POFUT1: variants seen among roughly 807,000 people sequenced by gnomAD.
The protein encoded by POFUT1 is GDP-fucose protein O-fucosyltransferase 1.
A neutral mutation model predicts 42.4 loss-of-function variants in POFUT1; 16 were observed. The ratio of observed to expected loss-of-function variants is 0.38; its 90% CI spans 0.26 to 0.57. The LOEUF (loss-of-function observed/expected upper bound fraction) is 0.57, where lower values mean the gene tolerates loss of function less well. Ranked by LOEUF, POFUT1 falls within the 20% of genes least tolerant of loss-of-function variation. The probability of loss-of-function intolerance (pLI) is 0.71; values close to 1 mark genes in which losing one functional copy is unlikely to be tolerated. For synonymous variants in POFUT1, 206 were observed against 205.4 expected (o/e 1.00, Z -0.03); for missense variants, 470 against 504.6 (o/e 0.93, Z 0.66).
chr20:32,235,613 G>T lies in POFUT1; in HGVS notation c.*952G>T. On this transcript the variant is annotated 3_prime_UTR_variant, in exon 7 of 7. Coordinates refer to ENST00000375749, the MANE Select transcript of POFUT1 (RefSeq NM_015352.2). ...CCAAGGCTCTGACCTCACAGAAGAT[G>T]CCCAGGGCCCAGAAGCCATCAGAAT... is the stretch of plus-strand genomic sequence containing the variant. The T allele has an allele frequency of 6.6e-6, 1 of 152,424 alleles. No homozygotes were observed. Among genetic ancestry groups the T allele is most frequent in the Non-Finnish European group, 1.5e-5 (1 of 68,104 alleles). The allele number at this position is 152,424 out of a possible 1,614,324, so 9.4% of individuals were successfully genotyped here.
chr20:32,215,200 G>A, intron 2 of POFUT1, 69 bp from the exon 3 acceptor site: 1 of 1,289,140 alleles, frequency 7.8e-7, no homozygotes, highest in Non-Finnish European at 1.1e-6. Context: ...GGAGTGTATT[G>A]TTTTAATAAA....
intron 4 of POFUT1, chr20:32,217,829 G>C: frequency 1.2e-6 from 1 of 815,200 alleles, no homozygotes; most frequent in Non-Finnish European, 1.5e-6. Flanking sequence ...ACTGAGCCCA[G>C]TGAAGTTAAA....
intron 2 of POFUT1, among the ~76,000 whole-genome samples, chr20:32,214,872 G>T (rs1182923025): frequency 1.3e-5 from 2 of 152,080 alleles, no homozygotes; most frequent in Non-Finnish European, 2.9e-5. Context: ...AGTCTGAACT[G>T]TCTTGGTCTT....
At chr20:32,224,902 T>C (rs900313492) in intron 4 of POFUT1, among the ~76,000 whole-genome samples, 2 of 152,196 alleles carry the variant, frequency 1.3e-5, no homozygotes, top group African/African-American at 4.8e-5. Context: ...CATGGCCAAG[T>C]CTCTGAAACA....
At chr20:32,230,609 T>G (rs1600394228) in intron 5 of POFUT1, among the ~76,000 whole-genome samples, 1 of 146,166 alleles carries the variant, frequency 6.8e-6, no homozygotes, top group African/African-American at 2.6e-5. Flanking sequence ...GCAGGAGAAT[T>G]GCTTGAACCC....
chr20:32,217,208 AG>A, intron 4 of POFUT1: 1 of 1,431,262 alleles, frequency 7.0e-7, no homozygotes. Flanking sequence ...AAACATTTAT[AG>A]GGCGCCTGTC....
At chr20:32,217,124 G>C in intron 4 of POFUT1, 1 of 1,591,860 alleles carries the variant, frequency 6.3e-7, no homozygotes, top group Non-Finnish European at 8.6e-7. Context: ...ATTATTGGAC[G>C]TGTTTATTAA....
chr20:32,210,286 A>C, intron 2 of POFUT1, 94 bp downstream of exon 2: 1 of 1,297,520 alleles, frequency 7.7e-7, no homozygotes. Flanking sequence ...TTTACCTCCC[A>C]CTCCTCTGAG....
At chr20:32,231,577 A>T (rs1413900472) in intron 6 of POFUT1, among the ~76,000 whole-genome samples, 9 of 152,162 alleles carry the variant, frequency 5.9e-5, no homozygotes, top group Non-Finnish European at 1.3e-4. Flanking sequence ...AGTATAGTGG[A>T]GGAGTTAATA....
rs114897507 is a variant in POFUT1 at position 32,228,565 on chromosome 20, G to A, written c.735+110G>A. 6.8e-4 allele frequency: 611 copies of A among 899,854 alleles called. 3 individuals carry two copies. In the African/African-American group the frequency reaches 9.4e-3, roughly 14 times the overall value. 55.7% of individuals were successfully genotyped at this position (899,854 alleles called of 1,614,324 possible). A position where few individuals can be genotyped will look rare whatever the true frequency, so the allele number is the denominator to read the frequency against. On this transcript the variant is annotated intron_variant, in intron 5 of 6. Transcript: ENST00000375749. ...CAGCCAGAGCAGAGATCTCTCACTT[G>A]TTCTGGTTCGTGGGATTGTGTCCCA...
At chr20:32,223,531 C>T (rs565044525) in intron 4 of POFUT1, 1 of 981,592 alleles carries the variant, frequency 1.0e-6, no homozygotes, top group African/African-American at 1.8e-5. Flanking sequence ...CTGGTTTTAT[C>T]CTGATATTCC....
chr20:32,213,576 G>A (rs1182768796), intron 2 of POFUT1, among the ~76,000 whole-genome samples: 1 of 151,978 alleles, frequency 6.6e-6, no homozygotes, highest in Non-Finnish European at 1.5e-5. Context: ...TTTGAGACCA[G>A]CCTGGCCAAA....
intron 5 of POFUT1, among the ~76,000 whole-genome samples, chr20:32,230,122 T>C (rs1406853442): frequency 1.3e-5 from 2 of 151,316 alleles, no homozygotes; most frequent in Non-Finnish European, 2.9e-5. Context: ...GCGTGGTGGC[T>C]CATGCCTGTA....
chr20:32,217,724 T>C (rs1337400849), intron 4 of POFUT1: 1 of 985,314 alleles, frequency 1.0e-6, no homozygotes, highest in African/African-American at 1.7e-5. Flanking sequence ...GTGTTGGCTG[T>C]CAGTGTTATT....
intron 4 of POFUT1, among the ~76,000 whole-genome samples, chr20:32,219,499 TAAC>T (rs2047379578): frequency 2.8e-5 from 4 of 142,150 alleles, no homozygotes; most frequent in Admixed American, 7.7e-5. Flanking sequence ...CGTAGTAGCA[TAAC>T]AACAAGTTTT....
chr20:32,212,613 G>T (rs554572183), intron 2 of POFUT1, among the ~76,000 whole-genome samples: 1 of 151,816 alleles, frequency 6.6e-6, no homozygotes, highest in Non-Finnish European at 1.5e-5. Context: ...GAAGAGTCTC[G>T]CTCTGTCACC....
At position 32,216,597 on chromosome 20, in the gene POFUT1, C is replaced by G; in HGVS notation, c.430-12C>G. 2 of 1,559,070 alleles carry G rather than the reference C, an allele frequency of 1.3e-6. No individual in the cohort carries two copies. The highest frequency in any genetic ancestry group is 1.1e-5 in the South Asian group (1 of 89,882). ...CCCCATCAGTAAGCCTTCCACCACT[C>G]TCTTTCTGCAGGAAGGAAACCCCTT... is the stretch of plus-strand genomic sequence containing the variant. On this transcript the variant is annotated splice_polypyrimidine_tract_variant and intron_variant, in intron 3 of 6. Transcript: ENST00000375749.
Position 32,236,758 on chromosome 20 carries a change from G to A in POFUT1, c.*2097G>A, listed in dbSNP as rs1350098370. On this transcript the variant is annotated 3_prime_UTR_variant, in exon 7 of 7. Coordinates refer to ENST00000375749, the MANE Select transcript of POFUT1 (RefSeq NM_015352.2). ...TTAATTTGACTGCTTCTCGTTGCTCGTCACCTCCATGCCAGGCACTGTGCT... is the reference window on the plus strand; with the variant it reads ...TTAATTTGACTGCTTCTCGTTGCTCATCACCTCCATGCCAGGCACTGTGCT... 2 of 152,170 alleles carry A rather than the reference G, an allele frequency of 1.3e-5. No individual in the cohort carries two copies. The highest frequency in any genetic ancestry group is 4.8e-5 in the African/African-American group (2 of 41,438). 9.4% of individuals were successfully genotyped at this position (152,170 alleles called of 1,614,324 possible). A position where few individuals can be genotyped will look rare whatever the true frequency, so the allele number is the denominator to read the frequency against.
rs577504620 is a variant in POFUT1, at chr20:32,218,536, C to G, written c.542+1815C>G. On this transcript the variant is annotated intron_variant, in intron 4 of 6. Transcript: ENST00000375749. ...CTTGCCTTTGGACCTAGCTTTGGAC[C>G]TAGTTCATGTGCCACTGAGGATCCT... is the stretch of plus-strand genomic sequence containing the variant. Among the ~76,000 whole-genome samples the G allele has an allele frequency of 1.4e-4, 21 of 152,308 alleles. 1 individual carries two copies. In the South Asian group the frequency reaches 4.4e-3, roughly 32 times the overall value.
Sources: gnomAD v4.1 joint callset for allele counts (sites outside exome capture counted in the v4.1 genomes callset) on GRCh38, gnomAD v4.1.1 for gene constraint, MANE v1.5 for transcripts, NCBI Gene and HGNC (gene_info 2026-07-23, HGNC 2026-07-21) for gene names.